The following TULP3 variants were observed in gnomAD, a reference collection of about 807,000 sequenced individuals.
The protein encoded by TULP3 is TUB like protein 3.
Under a neutral mutation model 50.7 loss-of-function variants are expected in TULP3, and 38 were observed. The observed-to-expected ratio is 0.75, with a 90% CI of 0.58 to 0.98. TULP3 has a LOEUF of 0.98. Ranked by LOEUF, TULP3 falls within the 50% of genes least tolerant of loss-of-function variation. The pLI, the probability that TULP3 is intolerant of heterozygous loss-of-function variation, is 0.00. For synonymous variants in TULP3, 183 were observed against 196.6 expected (o/e 0.93, Z 0.58); for missense variants, 550 against 568.0 (o/e 0.97, Z 0.32).
chr12:2,914,908 C>T (rs1477489094), intron 2 of TULP3, among the ~76,000 whole-genome samples: 1 of 152,188 alleles, frequency 6.6e-6, no homozygotes, highest in Non-Finnish European at 1.5e-5. Context: ...GCTGGGATTA[C>T]AGGTGTGAGC....
At chr12:2,936,043 G>A (rs2098201056) in intron 8 of TULP3, among the ~76,000 whole-genome samples, 1 of 151,984 alleles carries the variant, frequency 6.6e-6, no homozygotes, top group African/African-American at 2.4e-5. Context: ...GAGGCCGGTG[G>A]ATCACCTGAA....
chr12:2,892,228 A>C (rs2098172549), intron 1 of TULP3, among the ~76,000 whole-genome samples: 1 of 152,068 alleles, frequency 6.6e-6, no homozygotes, highest in African/African-American at 2.4e-5. Flanking sequence ...AGTTCTATTG[A>C]GGTGATAGCT....
chr12:2,928,000 A>C (rs2098195642), intron 4 of TULP3, among the ~76,000 whole-genome samples: 1 of 152,202 alleles, frequency 6.6e-6, no homozygotes, highest in South Asian at 2.1e-4. Flanking sequence ...ACACACATTG[A>C]TCACACTTTA....
At chr12:2,913,239 T>TGTGTGGG (rs2098186701) in intron 2 of TULP3, among the ~76,000 whole-genome samples, 2 of 104,708 alleles carry the variant, frequency 1.9e-5, no homozygotes, top group African/African-American at 8.1e-5. Context: ...GTGTGTGTGG[T>TGTGTGGG]GGCCTTTTAT....
chr12:2,922,155 A>G lies in TULP3; in HGVS notation c.254-107A>G, dbSNP rs970631504. On this transcript the variant is annotated intron_variant, in intron 3 of 10. Transcript: ENST00000448120. Reference sequence around the variant, plus strand: ...TATGGATGTTAAGAAAGGAGGGCAGATAAAATGATTTGGTAGTTCTTAATT... The same window carrying G: ...TATGGATGTTAAGAAAGGAGGGCAGGTAAAATGATTTGGTAGTTCTTAATT... 26 of 1,331,050 alleles carry G rather than the reference A, an allele frequency of 2.0e-5. No homozygotes were observed. The African/African-American group carries it at 3.7e-4, about 19-fold the overall frequency. The allele number at this position is 1,331,050 out of a possible 1,614,324, so 82.5% of individuals were successfully genotyped here.
chr12:2,908,850 C>G (rs2098183881), intron 1 of TULP3, among the ~76,000 whole-genome samples: 1 of 114,638 alleles, frequency 8.7e-6, no homozygotes, highest in Admixed American at 8.6e-5. Context: ...ATCTGTTCAT[C>G]CATACTTACA....
At position 2,930,346 on chromosome 12, in the gene TULP3, G is replaced by GA. The variant is rs2098197233; in HGVS notation, c.492+1_492+2insA. On this transcript the variant is annotated splice_donor_variant, in intron 5 of 10. Coordinates refer to ENST00000448120, the MANE Select transcript of TULP3 (RefSeq NM_003324.5). LOFTEE classifies it high-confidence loss of function. ...TTCTGCATCAAGCCAGAATTCAACC[G>GA]TATGTAGTTCTGAAACTTCTTCCAT... The GA allele has an allele frequency of 6.2e-7, 1 of 1,603,324 alleles. No individual in the cohort carries two copies. Among genetic ancestry groups the GA allele is most frequent in the Admixed American group, 1.7e-5 (1 of 59,402 alleles).
chr12:2,938,185 C>T lies in TULP3; in HGVS notation c.1095C>T (p.Ala365=). 2.5e-6 allele frequency: 4 copies of T among 1,614,128 alleles called. No homozygotes were observed. Among genetic ancestry groups the T allele is most frequent in the Non-Finnish European group, 3.4e-6 (4 of 1,180,038 alleles). The change falls in exon 10 of 11, where the codon GCC becomes GCT. Residue 365 remains alanine (A), a synonymous_variant. Coordinates refer to ENST00000448120, the MANE Select transcript of TULP3 (RefSeq NM_003324.5). ...MENLVELHNK[A]PVWNSDTQSY... is the part of the protein sequence containing the mutation. ...ATCTGGTTGAGCTGCACAACAAGGC[C>T]CCCGTCTGGAACAGTGACACTCAGT...
chr12:2,890,977 C>T lies in TULP3; in HGVS notation c.30C>T (p.Pro10=), dbSNP rs1233353800. 1.3e-6 allele frequency: 2 copies of T among 1,595,334 alleles called. No individual in the cohort carries two copies. Among genetic ancestry groups the T allele is most frequent in the African/African-American group, 1.3e-5 (1 of 74,238 alleles). MEASRCRLS[P]SGDSVFHEEM... ...AGGCTTCGCGCTGCCGGCTCAGTCC[C>T]AGCGGCGACAGGTCAGACAGGGCCG... Residue 10 remains proline, a synonymous_variant, in exon 1 of 11, where the codon CCC becomes CCT. Coordinates refer to ENST00000448120, the MANE Select transcript of TULP3 (RefSeq NM_003324.5).
At chr12:2,929,374 A>G (rs964547569) in intron 4 of TULP3, among the ~76,000 whole-genome samples, 1 of 152,178 alleles carries the variant, frequency 6.6e-6, no homozygotes, top group East Asian at 1.9e-4. Context: ...CAGTGGCACA[A>G]GCATAGCTCA....
chr12:2,931,140 G>A lies in TULP3; in HGVS notation c.596G>A (p.Gly199Asp), dbSNP rs775582102. 6.2e-7 allele frequency: 1 copy of A among 1,614,168 alleles called. No individual in the cohort carries two copies. The highest frequency in any genetic ancestry group is 2.2e-5 in the East Asian group (1 of 44,878). The change falls in exon 6 of 11, where the codon GGT (glycine) becomes GAT (aspartate). Residue 199 changes from glycine to aspartate, a missense_variant. Coordinates refer to ENST00000448120, the MANE Select transcript of TULP3 (RefSeq NM_003324.5). ...EDFVYSPAPQ[G>D]VTVRCRIIRD... ...TTTGTGTATAGTCCTGCCCCTCAAG[G>A]TGTCACAGTAAGATGTCGGATAATC...
chr12:2,926,699 G>A (rs2098194870), intron 4 of TULP3, among the ~76,000 whole-genome samples: 1 of 152,022 alleles, frequency 6.6e-6, no homozygotes, highest in Admixed American at 6.6e-5. Context: ...TCAGGAGTTC[G>A]AGACCAGCCT....
rs12824281 is a variant in TULP3 at position 2,903,544 on chromosome 12, A to G, written c.42-5985A>G. On this transcript the variant is annotated intron_variant, in intron 1 of 10. Transcript: ENST00000448120. ...GCCACTGCACTGCAGCCTGGGCAAC[A>G]AGCGCGAGACTCTATCTCAAAAAAA... Among the ~76,000 whole-genome samples the G allele has an allele frequency of 3.9e-3, 580 of 148,190 alleles. 2 individuals carry two copies. Among genetic ancestry groups the G allele is most frequent in the Non-Finnish European group, 5.7e-3 (387 of 67,316 alleles).
intron 4 of TULP3, among the ~76,000 whole-genome samples, chr12:2,925,254 C>G (rs2098194053): frequency 6.6e-6 from 1 of 151,824 alleles, no homozygotes; most frequent in Admixed American, 6.6e-5. Context: ...GGAAAAATTA[C>G]TGTGTACCAG....
intron 2 of TULP3, among the ~76,000 whole-genome samples, chr12:2,918,882 TAGA>T (rs2098190168): frequency 6.6e-6 from 1 of 151,418 alleles, no homozygotes; most frequent in Non-Finnish European, 1.5e-5. Flanking sequence ...TCTTGGTTGC[TAGA>T]AGAATTTTTT....
At chr12:2,902,894 C>T (rs192966268) in intron 1 of TULP3, among the ~76,000 whole-genome samples, 397 of 149,170 alleles carry the variant, frequency 2.7e-3, no homozygotes, top group South Asian at 5.1e-3. Context: ...CAGAGTCTCG[C>T]GCTGTTGCCC....
chr12:2,906,899 A>C (rs1440744269), intron 1 of TULP3, among the ~76,000 whole-genome samples: 1 of 151,624 alleles, frequency 6.6e-6, no homozygotes, highest in African/African-American at 2.4e-5. Context: ...CTGGGCAAGA[A>C]GAGTGAACCC....
intron 3 of TULP3, among the ~76,000 whole-genome samples, chr12:2,921,745 C>CTGAA (rs1249401237): frequency 6.6e-6 from 1 of 152,084 alleles, no homozygotes; most frequent in African/African-American, 2.4e-5. Context: ...ACTTCAGTTA[C>CTGAA]TGAAGTACAA....
rs1227969906 is a variant in TULP3, at chr12:2,940,549, A to C, written c.*1105A>C. 1.2e-5 allele frequency: 18 copies of C among 1,550,588 alleles called. No homozygotes were observed. The highest frequency in any genetic ancestry group is 1.4e-5 in the Non-Finnish European group (16 of 1,146,366). ...TCCCAGAATGTATCCAAACCTTGAG[A>C]ATGCAGGAGCTCTGTGAGCTCCACC... On this transcript the variant is annotated 3_prime_UTR_variant, in exon 11 of 11. Transcript: ENST00000448120.
Sources: allele counts gnomAD v4.1 joint callset (sites outside exome capture counted in the v4.1 genomes callset), GRCh38; gene constraint gnomAD v4.1.1; transcripts MANE v1.5; gene names NCBI Gene and HGNC (gene_info 2026-07-23, HGNC 2026-07-21).